Variants in SPOCK3 observed in about 807,000 individuals in gnomAD.
SPOCK3 encodes the protein SPARC (osteonectin), cwcv and kazal like domains proteoglycan 3.
A neutral mutation model predicts 56.6 loss-of-function variants in SPOCK3; 30 were observed. That is an observed-to-expected ratio of 0.53 (90% CI 0.40 to 0.72). The LOEUF (loss-of-function observed/expected upper bound fraction) is 0.72, where lower values mean the gene tolerates loss of function less well. SPOCK3 is among the 30% of genes least tolerant of loss of function. The probability of loss-of-function intolerance (pLI) is 0.00; values close to 1 mark genes in which losing one functional copy is unlikely to be tolerated. For missense variants in SPOCK3, 527 were observed against 530.0 expected, an observed-to-expected ratio of 0.99 and a Z score of 0.06; for synonymous variants, 196 against 183.3, an observed-to-expected ratio of 1.07 and a Z score of -0.56.
intron 2 of SPOCK3, among the ~76,000 whole-genome samples, chr4:167,155,306 T>C (rs1184495873): frequency 2.0e-5 from 3 of 151,718 alleles, no homozygotes; most frequent in African/African-American, 7.3e-5. Context: ...TTGTTAGAGA[T>C]GGGGTTTCAC....
intron 6 of SPOCK3, among the ~76,000 whole-genome samples, chr4:166,827,720 C>G (rs1560901105): frequency 6.6e-6 from 1 of 151,932 alleles, no homozygotes; most frequent in African/African-American, 2.4e-5. Context: ...AGCAGTAAAT[C>G]TGCAGAGTTT....
At chr4:167,127,103 T>C (rs750906670) in intron 2 of SPOCK3, among the ~76,000 whole-genome samples, 1 of 152,184 alleles carries the variant, frequency 6.6e-6, no homozygotes, top group Non-Finnish European at 1.5e-5. Flanking sequence ...ATTGATATTT[T>C]AGAAGGGAAA....
In SPOCK3 at chr4:166,763,370, G is replaced by A. The variant is rs150125111; in HGVS notation, c.710-8641C>T. On this transcript the variant is annotated intron_variant, in intron 7 of 10. Coordinates refer to ENST00000357545, the MANE Select transcript of SPOCK3 (RefSeq NM_001040159.2). ...ACAATGTAAAGCTGAAAGATTTCAA[G>A]AGTTACAACTCTTGAAATATAATAA... Among the ~76,000 whole-genome samples, 492 of 152,038 alleles carry A rather than the reference G, an allele frequency of 3.2e-3. 3 individuals carry two copies. The highest frequency in any genetic ancestry group is 0.011 in the African/African-American group (454 of 41,510).
chr4:166,848,964 T>C (rs557618222), intron 6 of SPOCK3, among the ~76,000 whole-genome samples: 41 of 152,318 alleles, frequency 2.7e-4, no homozygotes, highest in African/African-American at 9.9e-4. Context: ...ATGGGCATCA[T>C]TAGACTTCAT....
intron 6 of SPOCK3, among the ~76,000 whole-genome samples, chr4:166,860,546 G>A (rs774069432): frequency 2.0e-5 from 3 of 151,784 alleles, no homozygotes; most frequent in Non-Finnish European, 2.9e-5. Flanking sequence ...TACTTAAATT[G>A]TGTAAAATCA....
intron 2 of SPOCK3, among the ~76,000 whole-genome samples, chr4:167,163,297 AT>A (rs910579254): frequency 6.6e-6 from 1 of 151,234 alleles, no homozygotes; most frequent in Non-Finnish European, 1.5e-5. Context: ...ATTTTATTTA[AT>A]TTTTAATTTT....
At chr4:167,226,908 C>T (rs1736655600) in intron 2 of SPOCK3, among the ~76,000 whole-genome samples, 1 of 152,008 alleles carries the variant, frequency 6.6e-6, no homozygotes, top group South Asian at 2.1e-4. Flanking sequence ...CTCCTTTCTG[C>T]AGGAACTTAA....
At position 166,844,049 on chromosome 4, in the gene SPOCK3, C is replaced by T. The variant is rs80040767; in HGVS notation, c.589+45081G>A. ...AGCCCAGCAACCAGCTAAGCATAAA[C>T]GCAATGTGGGCCAACAGAGTGCGGC... On this transcript the variant is annotated intron_variant, in intron 6 of 10. Transcript: ENST00000357545. Among the ~76,000 whole-genome samples, 1,196 of 152,312 alleles carry T rather than the reference C, an allele frequency of 7.9e-3. 18 individuals are homozygous for T. Among genetic ancestry groups the T allele is most frequent in the African/African-American group, 0.027 (1,139 of 41,574 alleles).
chr4:166,991,554 G>A (rs964037805), intron 4 of SPOCK3, among the ~76,000 whole-genome samples: 8 of 151,742 alleles, frequency 5.3e-5, no homozygotes, highest in African/African-American at 1.5e-4. Context: ...ATTTTTAGTA[G>A]ACACAGGGTT....
intron 2 of SPOCK3, among the ~76,000 whole-genome samples, chr4:167,231,425 C>A (rs969162900): frequency 4.6e-5 from 7 of 151,970 alleles, no homozygotes; most frequent in African/African-American, 1.7e-4. Flanking sequence ...CACAAAAGTA[C>A]TTCAGTTAAA....
At chr4:167,153,616 A>G (rs897662617) in intron 2 of SPOCK3, among the ~76,000 whole-genome samples, 6 of 152,272 alleles carry the variant, frequency 3.9e-5, no homozygotes, top group African/African-American at 1.2e-4. Context: ...TTTACTGGAC[A>G]ACACTCTATA....
At chr4:167,096,628 T>C (rs900459334) in intron 2 of SPOCK3, among the ~76,000 whole-genome samples, 8 of 151,854 alleles carry the variant, frequency 5.3e-5, no homozygotes, top group African/African-American at 1.9e-4. Flanking sequence ...ATATTTTCAA[T>C]TATTTTTATT....
At chr4:166,860,802 C>CATATATATACATATAT (rs1553989681) in intron 6 of SPOCK3, among the ~76,000 whole-genome samples, 7 of 101,938 alleles carry the variant, frequency 6.9e-5, no homozygotes, top group Admixed American at 2.0e-4. Flanking sequence ...CACACAAATT[C>CATATATATACATATAT]ATATATATAT....
intron 2 of SPOCK3, among the ~76,000 whole-genome samples, chr4:167,115,490 AAAG>A (rs1761257305): frequency 6.6e-6 from 1 of 152,134 alleles, no homozygotes; most frequent in African/African-American, 2.4e-5. Flanking sequence ...ATAATTAAAG[AAAG>A]AAGGAGAAAG....
intron 4 of SPOCK3, among the ~76,000 whole-genome samples, chr4:166,975,989 T>C (rs1172617155): frequency 6.6e-6 from 1 of 152,124 alleles, no homozygotes; most frequent in East Asian, 1.9e-4. Flanking sequence ...GGAGTGCAGA[T>C]ATCTTTTCAA....
At chr4:167,031,476 A>T (rs565894053) in intron 3 of SPOCK3, among the ~76,000 whole-genome samples, 1 of 152,062 alleles carries the variant, frequency 6.6e-6, no homozygotes, top group South Asian at 2.1e-4. Context: ...ATTTAAGAAC[A>T]CATTCCAATA....
intron 6 of SPOCK3, among the ~76,000 whole-genome samples, chr4:166,802,352 C>CA (rs1408117398): frequency 6.6e-6 from 1 of 152,072 alleles, no homozygotes; most frequent in East Asian, 1.9e-4. Context: ...GCCTGATGAA[C>CA]AGCAATTCTT....
chr4:167,109,147 ATATATAAATAT>A (rs1760560442), intron 2 of SPOCK3, among the ~76,000 whole-genome samples: 1 of 74,038 alleles, frequency 1.4e-5, no homozygotes, highest in Admixed American at 2.6e-4. Flanking sequence ...ATATAAAAAT[ATATATAAATAT>A]TATATATTTA....
intron 2 of SPOCK3, among the ~76,000 whole-genome samples, chr4:167,152,645 T>C (rs1331317219): frequency 6.6e-6 from 1 of 152,120 alleles, no homozygotes; most frequent in African/African-American, 2.4e-5. Flanking sequence ...AGAAGTAAAA[T>C]GTAATTATGA....
Sources: gnomAD v4.1 joint callset for allele counts (sites outside exome capture counted in the v4.1 genomes callset) on GRCh38, gnomAD v4.1.1 for gene constraint, MANE v1.5 for transcripts, NCBI Gene and HGNC (gene_info 2026-07-23, HGNC 2026-07-21) for gene names.